FAM98B: variants seen among roughly 807,000 people sequenced by gnomAD.
FAM98B encodes tRNA-splicing ligase complex subunit FAM98B.
A neutral mutation model predicts 43.9 loss-of-function variants in FAM98B; 32 were observed. The observed-to-expected ratio is 0.73, with a 90% CI of 0.55 to 0.98. The LOEUF (loss-of-function observed/expected upper bound fraction) is 0.98. Ranked by LOEUF, FAM98B falls within the 50% of genes least tolerant of loss-of-function variation. FAM98B has a pLI of 0.00. For missense variants in FAM98B, 514 were observed against 522.9 expected (o/e 0.98, Z 0.17); for synonymous variants, 190 against 174.0 (o/e 1.09, Z -0.72).
chr15:38,459,987 C>A (rs535978311), intron 1 of FAM98B, among the ~76,000 whole-genome samples: 1 of 152,144 alleles, frequency 6.6e-6, no homozygotes, highest in Non-Finnish European at 1.5e-5. Context: ...AAGAAAGGGT[C>A]TTCTGTTTTA....
intron 1 of FAM98B, among the ~76,000 whole-genome samples, chr15:38,463,229 G>A (rs1240848389): frequency 6.6e-6 from 1 of 152,170 alleles, no homozygotes; most frequent in African/African-American, 2.4e-5. Context: ...AGGCACGGTG[G>A]CTCACACCTG....
At chr15:38,459,124 T>C (rs116998867) in intron 1 of FAM98B, 3,938 of 337,998 alleles carry the variant, frequency 0.012, 41 homozygotes, top group Non-Finnish European at 0.019. Flanking sequence ...CCACGTGAGC[T>C]CTTTTGAGGA....
intron 6 of FAM98B, among the ~76,000 whole-genome samples, chr15:38,478,555 G>A (rs1890239544): frequency 6.6e-6 from 1 of 152,080 alleles, no homozygotes; most frequent in African/African-American, 2.4e-5. Flanking sequence ...TCTTTGCACA[G>A]TATTTTATTA....
chr15:38,484,210 T>G (rs1326638759), intron 7 of FAM98B, 45 bp from the exon 8 acceptor site: 7 of 1,526,870 alleles, frequency 4.6e-6, no homozygotes. Flanking sequence ...TTATGTAAAC[T>G]TTTTTGAAAT....
rs183228987 is a variant in FAM98B at position 38,475,368 on chromosome 15, A to G, written c.729+1070A>G. Reference sequence around the variant, plus strand: ...TGGCTGCTGTGAAAGTTTACCACAAATTTAGTAGCTTAAGTAATACAGATT... The same window carrying G: ...TGGCTGCTGTGAAAGTTTACCACAAGTTTAGTAGCTTAAGTAATACAGATT... On this transcript the variant is annotated intron_variant, in intron 6 of 7. Coordinates refer to ENST00000397609, the MANE Select transcript of FAM98B (RefSeq NM_173611.4). Among the ~76,000 whole-genome samples the G allele has an allele frequency of 1.6e-3, 243 of 152,304 alleles. 1 individual carries two copies. Among genetic ancestry groups the G allele is most frequent in the Middle Eastern group, 3.4e-3 (1 of 294 alleles).
Position 38,484,705 on chromosome 15 carries a change from T to G in FAM98B, c.*46T>G, listed in dbSNP as rs1890344186. 2.0e-6 allele frequency: 3 copies of G among 1,489,768 alleles called. No homozygotes were observed. Among genetic ancestry groups the G allele is most frequent in the South Asian group, 2.7e-5 (2 of 72,730 alleles). 92.3% of individuals were successfully genotyped at this position (1,489,768 alleles called of 1,614,324 possible). On this transcript the variant is annotated 3_prime_UTR_variant, in exon 8 of 8. Coordinates refer to ENST00000397609, the MANE Select transcript of FAM98B (RefSeq NM_173611.4). ...CAGTGCTTGCTTCTTTATAGATACATTAGAAATAGTGTTCCAAATAACATA... is the reference window on the plus strand; with the variant it reads ...CAGTGCTTGCTTCTTTATAGATACAGTAGAAATAGTGTTCCAAATAACATA...
Position 38,484,551 on chromosome 15 carries a change from T to C in FAM98B, c.1194T>C (p.Gly398=), listed in dbSNP as rs771186608. 48 of 1,356,004 alleles carry C rather than the reference T, an allele frequency of 3.5e-5. No individual in the cohort carries two copies. Among genetic ancestry groups the C allele is most frequent in the South Asian group, 2.1e-4 (15 of 71,702 alleles). 84.0% of individuals were successfully genotyped at this position (1,356,004 alleles called of 1,614,324 possible). ...QGRGDYGGRG[G]YGGRGGYGGR... Reference sequence around the variant, plus strand: ...GGGGAGATTATGGTGGAAGAGGGGGTTATGGTGGAAGAGGGGGCTATGGTG... The same window carrying C: ...GGGGAGATTATGGTGGAAGAGGGGGCTATGGTGGAAGAGGGGGCTATGGTG... Residue 398 remains glycine (G), a synonymous_variant, in exon 8 of 8, where the codon GGT becomes GGC. Transcript: ENST00000397609.
At chr15:38,475,100 C>G (rs908939606) in intron 6 of FAM98B, among the ~76,000 whole-genome samples, 1 of 150,396 alleles carries the variant, frequency 6.6e-6, no homozygotes, top group Non-Finnish European at 1.5e-5. Flanking sequence ...CTGGGCAGTT[C>G]TTCTGCCCCA....
Position 38,485,578 on chromosome 15 carries a change from T to C in FAM98B, c.*919T>C, listed in dbSNP as rs547594516. 2.2e-4 allele frequency: 34 copies of C among 152,316 alleles called. No individual in the cohort carries two copies. Among genetic ancestry groups the C allele is most frequent in the African/African-American group, 7.9e-4 (33 of 41,580 alleles). 9.4% of individuals were successfully genotyped at this position (152,316 alleles called of 1,614,324 possible). ...CAGCTAGATTTGGGAAACACAAAGT[T>C]AGGGAATGGCTATATGTGATTTGCT... is the stretch of plus-strand genomic sequence containing the variant. On this transcript the variant is annotated 3_prime_UTR_variant, in exon 8 of 8. Transcript: ENST00000397609.
Position 38,474,183 on chromosome 15 carries a change from A to G in FAM98B, c.614A>G (p.Glu205Gly). The G allele has an allele frequency of 6.2e-7, 1 of 1,609,496 alleles. No homozygotes were observed. The highest frequency in any genetic ancestry group is 2.2e-5 in the East Asian group (1 of 44,852). ...LKMDLNSEQA[E>G]QLERINDALS... ...TATTTTTGTTTCCAAATTTTTTAGG[A>G]ACAACTGGAAAGAATCAATGATGCT... Residue 205 changes from glutamate (E) to glycine (G), a missense_variant and splice_region_variant, in exon 6 of 8, where the codon GAA becomes GGA. Glu to Gly is a moderately conservative substitution (Grantham distance 98). Coordinates refer to ENST00000397609, the MANE Select transcript of FAM98B (RefSeq NM_173611.4).
rs746253357 is a variant in FAM98B, at chr15:38,474,164, T to A, written c.613-18T>A. 7 of 1,576,792 alleles carry A rather than the reference T, an allele frequency of 4.4e-6. No individual in the cohort carries two copies. Among genetic ancestry groups the A allele is most frequent in the Non-Finnish European group, 5.2e-6 (6 of 1,147,284 alleles). ...GAAAGAATCTAAAGTTTATTATTTTTGTTTCCAAATTTTTTAGGAACAACT... is the reference window on the plus strand; with the variant it reads ...GAAAGAATCTAAAGTTTATTATTTTAGTTTCCAAATTTTTTAGGAACAACT... On this transcript the variant is annotated intron_variant, in intron 5 of 7. Transcript: ENST00000397609.
chr15:38,483,618 A>G (rs1890313564), intron 7 of FAM98B: 1 of 142,488 alleles, frequency 7.0e-6, no homozygotes, highest in Admixed American at 7.5e-5. Flanking sequence ...GTGAGCTGAG[A>G]TCATGCCACT....
chr15:38,465,976 GTTCCT>G (rs1033480458), intron 3 of FAM98B, among the ~76,000 whole-genome samples: 5 of 152,020 alleles, frequency 3.3e-5, no homozygotes, highest in African/African-American at 9.6e-5. Context: ...TTTGTGTTGG[GTTCCT>G]TTCATCATTT....
At chr15:38,463,364 A>G (rs1218509113) in intron 1 of FAM98B, among the ~76,000 whole-genome samples, 2 of 151,844 alleles carry the variant, frequency 1.3e-5, no homozygotes, top group Admixed American at 6.6e-5. Context: ...GGTGGCAGGC[A>G]CCTGTAATCC....
intron 1 of FAM98B, chr15:38,458,917 G>C (rs1486587954): frequency 2.3e-6 from 1 of 438,184 alleles, no homozygotes; most frequent in South Asian, 1.9e-5. Context: ...AGTTGTCCAG[G>C]ATGAGGGTTT....
At position 38,484,970 on chromosome 15, in the gene FAM98B, A is replaced by G. The variant is rs183640627; in HGVS notation, c.*311A>G. 69 of 254,750 alleles carry G rather than the reference A, an allele frequency of 2.7e-4. 1 individual carries two copies. In the East Asian group the frequency reaches 6.2e-3, roughly 23 times the overall value. The allele number at this position is 254,750 out of a possible 1,614,324, so 15.8% of individuals were successfully genotyped here. On this transcript the variant is annotated 3_prime_UTR_variant, in exon 8 of 8. Transcript: ENST00000397609. ...TTACCATCAGACTTGGAAAATGGAAAGTATTTTATTGTCATGATTGAATTT... is the reference window on the plus strand; with the variant it reads ...TTACCATCAGACTTGGAAAATGGAAGGTATTTTATTGTCATGATTGAATTT...
chr15:38,484,435 G>T lies in FAM98B; in HGVS notation c.1078G>T (p.Gly360Trp), dbSNP rs1289009367. Residue 360 changes from glycine (G) to tryptophan (W), a missense_variant, in exon 8 of 8, where the codon GGG (glycine) becomes TGG (tryptophan). Gly to Trp is a radical substitution (Grantham distance 184, BLOSUM62 -2). Around this residue, in one of 2 missense-constraint regions of FAM98B, gnomAD observed 469 missense variants for 451.8 expected, o/e 1.04. Transcript: ENST00000397609. Reference sequence around the variant, plus strand: ...GGGTGGGGGTGGGAGAGGTGGCTGGGGGGGTGGAGGAGGAGGTTGGGGAGG... The same window carrying T: ...GGGTGGGGGTGGGAGAGGTGGCTGGTGGGGTGGAGGAGGAGGTTGGGGAGG... ...GGGGGGRGGW[G>W]GGGGGWGGGG... 8 of 880,282 alleles carry T rather than the reference G, an allele frequency of 9.1e-6. No homozygotes were observed. Among genetic ancestry groups the T allele is most frequent in the African/African-American group, 5.5e-5 (2 of 36,290 alleles). The allele number at this position is 880,282 out of a possible 1,614,324, so 54.5% of individuals were successfully genotyped here.
Position 38,472,621 on chromosome 15 carries a change from T to C in FAM98B, c.532-884T>C, listed in dbSNP as rs139685527. ...ACCAAACTCTTGAATTTAGAGCTTT[T>C]CCATCACCCTCAGAAGAAACCTCAA... is the stretch of plus-strand genomic sequence containing the variant. On this transcript the variant is annotated intron_variant, in intron 4 of 7. Transcript: ENST00000397609. Among the ~76,000 whole-genome samples, 719 of 152,182 alleles carry C rather than the reference T, an allele frequency of 4.7e-3. 1 individual carries two copies. Among genetic ancestry groups the C allele is most frequent in the Middle Eastern group, 0.01 (3 of 294 alleles).
chr15:38,484,883 G>T lies in FAM98B; in HGVS notation c.*224G>T. ...CCATATTCTGTGTACCCTTGAGCAT[G>T]TTGTGTCTTTTTAAAAAACAAAAAA... On this transcript the variant is annotated 3_prime_UTR_variant, in exon 8 of 8. Coordinates refer to ENST00000397609, the MANE Select transcript of FAM98B (RefSeq NM_173611.4). 1 of 565,882 alleles carries T rather than the reference G, an allele frequency of 1.8e-6. No individual in the cohort carries two copies. The highest frequency in any genetic ancestry group is 2.6e-6 in the Non-Finnish European group (1 of 379,460). 35.1% of individuals were successfully genotyped at this position (565,882 alleles called of 1,614,324 possible).
Sources: allele counts gnomAD v4.1 joint callset (sites outside exome capture counted in the v4.1 genomes callset), GRCh38; gene constraint gnomAD v4.1.1; regional missense constraint gnomAD v4.1.1; transcripts MANE v1.5; gene names NCBI Gene and HGNC (gene_info 2026-07-23, HGNC 2026-07-21).